Variants in MGAT4C observed in about 807,000 individuals in gnomAD.
MGAT4C encodes MGAT4 family member C.
In MGAT4C, 19 loss-of-function variants were observed where a neutral mutation model predicts 40.1. That is an observed-to-expected ratio of 0.47 (90% CI 0.33 to 0.70). The LOEUF (loss-of-function observed/expected upper bound fraction) is 0.70. Ranked by LOEUF, MGAT4C falls within the 30% of genes least tolerant of loss-of-function variation. The pLI, the probability that MGAT4C is intolerant of heterozygous loss-of-function variation, is 0.02. For missense variants in MGAT4C, 491 were observed against 563.2 expected, an observed-to-expected ratio of 0.87 and a Z score of 1.30; for synonymous variants, 181 against 187.1, an observed-to-expected ratio of 0.97 and a Z score of 0.27.
intron 2 of MGAT4C, among the ~76,000 whole-genome samples, chr12:86,616,036 T>C (rs1448582255): frequency 1.3e-5 from 2 of 152,136 alleles, no homozygotes; most frequent in East Asian, 3.8e-4. Context: ...TCAGTTGTAG[T>C]ATTCAAGCTC....
chr12:86,688,814 T>C (rs934337313), intron 2 of MGAT4C, among the ~76,000 whole-genome samples: 3 of 152,174 alleles, frequency 2.0e-5, no homozygotes, highest in African/African-American at 7.2e-5. Flanking sequence ...AATCTGACAA[T>C]TATGTGTCTG....
chr12:86,007,674 C>G (rs1888038168), intron 2 of MGAT4C, among the ~76,000 whole-genome samples: 2 of 151,948 alleles, frequency 1.3e-5, no homozygotes, highest in Admixed American at 6.6e-5. Flanking sequence ...TCAACAGACT[C>G]TAATGATTTA....
chr12:86,402,813 T>C (rs903858122), intron 3 of MGAT4C, among the ~76,000 whole-genome samples: 1 of 152,156 alleles, frequency 6.6e-6, no homozygotes, highest in Admixed American at 6.5e-5. Flanking sequence ...AATTGCAGCA[T>C]TACTGATGGA....
intron 2 of MGAT4C, among the ~76,000 whole-genome samples, chr12:86,012,576 A>G (rs574012482): frequency 1.3e-5 from 2 of 152,016 alleles, no homozygotes; most frequent in South Asian, 4.2e-4. Context: ...CCCCATCTCT[A>G]CTAAAAATAC....
rs566181379 is a variant in MGAT4C, at chr12:86,458,950, T to A, written c.-228-23685A>T. On this transcript the variant is annotated intron_variant, in intron 2 of 7. Coordinates refer to the MGAT4C transcript ENST00000548651. ...AGTGACTTTATTTTTTTTTTACTTT[T>A]GTAAAAGTAATTTTTCATCATTTCC... 4.6e-4 allele frequency among the ~76,000 whole-genome samples: 70 copies of A among 152,036 alleles called. No homozygotes were observed. In the South Asian group the frequency reaches 0.014, roughly 30 times the overall value.
intron 2 of MGAT4C, among the ~76,000 whole-genome samples, chr12:86,602,658 T>G (rs73175269): frequency 0.089 from 13,620 of 152,246 alleles, 813 homozygotes; most frequent in Middle Eastern, 0.24. Flanking sequence ...AATTACTTTT[T>G]TAAATGTTTT....
chr12:86,459,913 C>G (rs144258826), intron 2 of MGAT4C, among the ~76,000 whole-genome samples: 1 of 151,978 alleles, frequency 6.6e-6, no homozygotes, highest in East Asian at 1.9e-4. Flanking sequence ...GACACTAACT[C>G]TTAATTTGAA....
intron 4 of MGAT4C, among the ~76,000 whole-genome samples, chr12:86,298,094 C>G (rs1288889694): frequency 6.6e-6 from 1 of 151,808 alleles, no homozygotes; most frequent in Non-Finnish European, 1.5e-5. Flanking sequence ...ATAGGTCATG[C>G]TTTGGAGAAA....
chr12:86,166,170 T>C (rs1168587544), intron 1 of MGAT4C, among the ~76,000 whole-genome samples: 1 of 152,204 alleles, frequency 6.6e-6, no homozygotes, highest in Non-Finnish European at 1.5e-5. Flanking sequence ...ACCACATATA[T>C]AGAAGTATAG....
At chr12:86,600,262 A>G (rs547363469) in intron 2 of MGAT4C, among the ~76,000 whole-genome samples, 3 of 152,322 alleles carry the variant, frequency 2.0e-5, no homozygotes, top group Admixed American at 6.5e-5. Flanking sequence ...CTGAAAGCCT[A>G]TTAGTGTGAC....
rs117875507 is a variant in MGAT4C, at chr12:86,132,166, T to C, written c.-56-82443A>G. 6.6e-3 allele frequency among the ~76,000 whole-genome samples: 1,000 copies of C among 152,268 alleles called. 6 individuals carry two copies. Among genetic ancestry groups the C allele is most frequent in the Middle Eastern group, 0.024 (7 of 294 alleles). On this transcript the variant is annotated intron_variant, in intron 1 of 4. Transcript: ENST00000611864. ...AAATCTCTTTGTCTTGAAATTAACA[T>C]GAATGTATTCAATGAGTACTCAATA...
Position 86,485,099 on chromosome 12 carries a change from G to T in MGAT4C, c.-228-49834C>A, listed in dbSNP as rs558576061. 1.8e-4 allele frequency among the ~76,000 whole-genome samples: 27 copies of T among 152,214 alleles called. No individual in the cohort carries two copies. In the East Asian group the frequency reaches 3.5e-3, roughly 20 times the overall value. Reference sequence around the variant, plus strand: ...TCCTTCTAAAGGACTCAGAAACAAAGCTTACAGACTATACTAAACTCAAAG... The same window carrying T: ...TCCTTCTAAAGGACTCAGAAACAAATCTTACAGACTATACTAAACTCAAAG... On this transcript the variant is annotated intron_variant, in intron 2 of 7. Transcript: ENST00000548651.
intron 1 of MGAT4C, among the ~76,000 whole-genome samples, chr12:86,166,920 T>G (rs1886256220): frequency 6.6e-6 from 1 of 152,148 alleles, no homozygotes; most frequent in Admixed American, 6.5e-5. Context: ...AATATTAAAC[T>G]TATATTTGGC....
At chr12:86,129,189 C>T (rs1420624548) in intron 1 of MGAT4C, among the ~76,000 whole-genome samples, 2 of 143,994 alleles carry the variant, frequency 1.4e-5, no homozygotes, top group African/African-American at 2.6e-5. Context: ...GACTGAGCCC[C>T]GAACAAAGAG....
At chr12:86,683,203 T>C (rs1950012124) in intron 2 of MGAT4C, among the ~76,000 whole-genome samples, 1 of 152,066 alleles carries the variant, frequency 6.6e-6, no homozygotes, top group Non-Finnish European at 1.5e-5. Context: ...TGACTAAAAA[T>C]ATGAAGAAAC....
At chr12:86,046,619 T>C (rs1892419836) in intron 2 of MGAT4C, among the ~76,000 whole-genome samples, 1 of 152,156 alleles carries the variant, frequency 6.6e-6, no homozygotes, top group Admixed American at 6.6e-5. Flanking sequence ...GGGCAAACTG[T>C]TGTAAGCTAT....
intron 4 of MGAT4C, among the ~76,000 whole-genome samples, chr12:86,314,394 T>C (rs927986585): frequency 2.6e-5 from 4 of 152,120 alleles, no homozygotes; most frequent in Non-Finnish European, 5.9e-5. Context: ...ATAAGACAAG[T>C]ATGCTCACTC....
At chr12:86,675,071 AT>A (rs1964357357) in intron 2 of MGAT4C, among the ~76,000 whole-genome samples, 1 of 152,176 alleles carries the variant, frequency 6.6e-6, no homozygotes, top group Non-Finnish European at 1.5e-5. Flanking sequence ...GAAAAATTAT[AT>A]CATGTCTTCA....
At chr12:86,064,347 T>C (rs942697073) in intron 1 of MGAT4C, among the ~76,000 whole-genome samples, 1 of 152,024 alleles carries the variant, frequency 6.6e-6, no homozygotes, top group Admixed American at 6.6e-5. Context: ...GCCACTGCAC[T>C]CCAGCCTGGG....
Sources: gnomAD v4.1 joint callset for allele counts (sites outside exome capture counted in the v4.1 genomes callset) on GRCh38, gnomAD v4.1.1 for gene constraint, MANE v1.5 for transcripts, NCBI Gene and HGNC (gene_info 2026-07-23, HGNC 2026-07-21) for gene names.